JARID2: variants seen among roughly 807,000 people sequenced by gnomAD.
The protein encoded by JARID2 is protein Jumonji.
A neutral mutation model predicts 125.6 loss-of-function variants in JARID2; 21 were observed. The ratio of observed to expected loss-of-function variants is 0.17; its 90% CI spans 0.12 to 0.24. The LOEUF (loss-of-function observed/expected upper bound fraction) is 0.24, where lower values mean the gene tolerates loss of function less well. JARID2 is among the 10% of genes least tolerant of loss of function. The pLI is 1.00. For synonymous variants in JARID2, 736 were observed against 661.6 expected, an observed-to-expected ratio of 1.11 and a Z score of -1.73; for missense variants, 1,303 against 1,639.6, an observed-to-expected ratio of 0.79 and a Z score of 3.55.
At chr6:15,485,123 C>A (rs1769805115) in intron 5 of JARID2, among the ~76,000 whole-genome samples, 1 of 152,192 alleles carries the variant, frequency 6.6e-6, no homozygotes. Context: ...TCTGTGTTAA[C>A]TGAGAGTATC....
At chr6:15,277,717 T>C (rs576654656) in intron 1 of JARID2, among the ~76,000 whole-genome samples, 85 of 150,402 alleles carry the variant, frequency 5.7e-4, no homozygotes, top group Admixed American at 2.0e-3. Flanking sequence ...AAAGTAGTTA[T>C]GAAAGACAAC....
chr6:15,469,274 C>T (rs1169302015), intron 5 of JARID2, among the ~76,000 whole-genome samples: 1 of 96,082 alleles, frequency 1.0e-5, no homozygotes, highest in Non-Finnish European at 2.2e-5. Context: ...CTCTGTCTCT[C>T]TGTCTCTCTG....
intron 1 of JARID2, among the ~76,000 whole-genome samples, chr6:15,299,138 C>T (rs755303722): frequency 7.9e-5 from 12 of 152,166 alleles, no homozygotes; most frequent in Non-Finnish European, 1.6e-4. Context: ...ATTTGTCAAA[C>T]TTCACTGACC....
chr6:15,251,757 T>C (rs1483712824), intron 1 of JARID2, among the ~76,000 whole-genome samples: 2 of 107,902 alleles, frequency 1.9e-5, no homozygotes, highest in Non-Finnish European at 3.7e-5. Context: ...GGTGGGCGGA[T>C]CATGAGGGTC....
chr6:15,467,013 T>C (rs977808741), intron 4 of JARID2, among the ~76,000 whole-genome samples: 3 of 152,242 alleles, frequency 2.0e-5, no homozygotes, highest in African/African-American at 7.2e-5. Flanking sequence ...TTTTGCCGAC[T>C]GTATCCCTTT....
chr6:15,427,220 T>G (rs1436122767), intron 3 of JARID2, among the ~76,000 whole-genome samples: 1 of 152,108 alleles, frequency 6.6e-6, no homozygotes, highest in Non-Finnish European at 1.5e-5. Context: ...GCATGTGAGT[T>G]GTAGTGTGAT....
intron 1 of JARID2, among the ~76,000 whole-genome samples, chr6:15,332,089 A>C (rs1220708006): frequency 6.6e-6 from 1 of 152,178 alleles, no homozygotes; most frequent in Non-Finnish European, 1.5e-5. Flanking sequence ...CCAAGCTCGA[A>C]ACCAGTTGCT....
Position 15,282,060 on chromosome 6 carries a change from G to T in JARID2, c.45+35476G>T, listed in dbSNP as rs1760773924. 2.0e-5 allele frequency among the ~76,000 whole-genome samples: 3 copies of T among 151,920 alleles called. No homozygotes were observed. The South Asian group carries it at 6.2e-4, about 32-fold the overall frequency. On this transcript the variant is annotated intron_variant, in intron 1 of 17. Transcript: ENST00000341776. ...TGCCTCCCGAGTTCAGACCATTCTT[G>T]TGTGGTAGCTGGGACTACAGGTGTG...
chr6:15,366,476 G>C (rs947137969), intron 1 of JARID2, among the ~76,000 whole-genome samples: 1 of 132,126 alleles, frequency 7.6e-6, no homozygotes, highest in Non-Finnish European at 1.6e-5. Context: ...TCCACCTGTA[G>C]AGCTCTAGCG....
At chr6:15,336,502 A>G (rs889901651) in intron 1 of JARID2, among the ~76,000 whole-genome samples, 1 of 152,240 alleles carries the variant, frequency 6.6e-6, no homozygotes, top group Non-Finnish European at 1.5e-5. Context: ...CCTGTGTACA[A>G]TGACATATAA....
intron 1 of JARID2, among the ~76,000 whole-genome samples, chr6:15,343,154 G>A (rs1763124894): frequency 6.7e-6 from 1 of 150,274 alleles, no homozygotes; most frequent in African/African-American, 2.5e-5. Context: ...ACTTGAACTC[G>A]GGAGGTGGAG....
At chr6:15,485,223 G>C (rs1039039572) in intron 5 of JARID2, among the ~76,000 whole-genome samples, 2 of 152,150 alleles carry the variant, frequency 1.3e-5, no homozygotes, top group Non-Finnish European at 2.9e-5. Flanking sequence ...TTAATCACTG[G>C]TGTTGGAAGG....
chr6:15,336,169 T>C (rs1430567964), intron 1 of JARID2, among the ~76,000 whole-genome samples: 1 of 152,170 alleles, frequency 6.6e-6, no homozygotes, highest in Non-Finnish European at 1.5e-5. Context: ...AGAGAGGTAA[T>C]TCCGGTGAGT....
intron 2 of JARID2, among the ~76,000 whole-genome samples, chr6:15,383,647 AC>A (rs1488093174): frequency 6.6e-6 from 1 of 151,546 alleles, no homozygotes; most frequent in African/African-American, 2.4e-5. Context: ...TCACCTTTAA[AC>A]CCCTCACGTT....
chr6:15,414,058 C>T (rs1343292742), intron 3 of JARID2, among the ~76,000 whole-genome samples: 1 of 152,178 alleles, frequency 6.6e-6, no homozygotes, highest in African/African-American at 2.4e-5. Context: ...CTACTCTACA[C>T]ATCCTTTTAT....
At chr6:15,405,668 C>T (rs1765619781) in intron 2 of JARID2, among the ~76,000 whole-genome samples, 1 of 150,908 alleles carries the variant, frequency 6.6e-6, no homozygotes, top group South Asian at 2.1e-4. Context: ...TTGTGTTGGT[C>T]GGGGTGGGGG....
chr6:15,416,708 A>G (rs1766241944), intron 3 of JARID2, among the ~76,000 whole-genome samples: 3 of 77,668 alleles, frequency 3.9e-5, no homozygotes, highest in Admixed American at 3.5e-4. Flanking sequence ...CCGTGGGGAG[A>G]GGGAGAGGGA....
At chr6:15,290,962 C>T (rs951231039) in intron 1 of JARID2, among the ~76,000 whole-genome samples, 2 of 149,088 alleles carry the variant, frequency 1.3e-5, no homozygotes, top group South Asian at 2.1e-4. Context: ...TTCACGAGGC[C>T]AGGTGCTGTG....
At chr6:15,348,439 A>G (rs1763317470) in intron 1 of JARID2, among the ~76,000 whole-genome samples, 1 of 152,122 alleles carries the variant, frequency 6.6e-6, no homozygotes, top group Admixed American at 6.6e-5. Context: ...TTTGCAGTAG[A>G]TAATCTTTGT....
Sources: allele counts gnomAD v4.1 joint callset (sites outside exome capture counted in the v4.1 genomes callset), GRCh38; gene constraint gnomAD v4.1.1; transcripts MANE v1.5; gene names NCBI Gene and HGNC (gene_info 2026-07-23, HGNC 2026-07-21).